ATP11B: variants seen among roughly 807,000 people sequenced by gnomAD.
ATP11B encodes phospholipid-transporting ATPase IF.
Under a neutral mutation model 157.8 loss-of-function variants are expected in ATP11B, and 81 were observed. That is an observed-to-expected ratio of 0.51 (90% CI 0.43 to 0.62). ATP11B has a LOEUF of 0.62. Among genes scored for constraint, ATP11B ranks in the 20% least tolerant of loss-of-function variants. The pLI is 0.00. For missense variants in ATP11B, 1,165 were observed against 1,402.2 expected, an observed-to-expected ratio of 0.83 and a Z score of 2.70; for synonymous variants, 451 against 469.4, an observed-to-expected ratio of 0.96 and a Z score of 0.51.
chr3:182,905,352 A>C (rs1479224748), intron 28 of ATP11B, among the ~76,000 whole-genome samples: 1 of 152,248 alleles, frequency 6.6e-6, no homozygotes, highest in Non-Finnish European at 1.5e-5. Flanking sequence ...GTTAACAAAT[A>C]GATCAGGTGA....
At chr3:182,841,630 AGCAAGAATATTGGACCAT>A (rs1378417990) in intron 7 of ATP11B, among the ~76,000 whole-genome samples, 4 of 152,186 alleles carry the variant, frequency 2.6e-5, no homozygotes, top group African/African-American at 9.7e-5. Flanking sequence ...AATGATTTAT[AGCAAGAATATTGGACCAT>A]TCATATATAC....
At chr3:182,873,293 C>T (rs1721796815) in intron 18 of ATP11B, among the ~76,000 whole-genome samples, 1 of 152,168 alleles carries the variant, frequency 6.6e-6, no homozygotes, top group Non-Finnish European at 1.5e-5. Flanking sequence ...TTTGCCTCCA[C>T]CACCTAGACC....
At chr3:182,826,310 C>T (rs1018374457) in intron 2 of ATP11B, among the ~76,000 whole-genome samples, 1 of 152,150 alleles carries the variant, frequency 6.6e-6, no homozygotes, top group South Asian at 2.1e-4. Flanking sequence ...ACCCTGAAAC[C>T]AATTACTTTA....
intron 12 of ATP11B, among the ~76,000 whole-genome samples, chr3:182,864,033 A>G (rs1175952914): frequency 1.3e-5 from 2 of 152,070 alleles, no homozygotes; most frequent in Non-Finnish European, 2.9e-5. Flanking sequence ...CAGTTTCACC[A>G]TTTATTTGCT....
chr3:182,823,006 G>A (rs1717469748), intron 2 of ATP11B, among the ~76,000 whole-genome samples: 1 of 152,110 alleles, frequency 6.6e-6, no homozygotes, highest in African/African-American at 2.4e-5. Context: ...TGTAGATTCT[G>A]GATATTAGCC....
intron 14 of ATP11B, among the ~76,000 whole-genome samples, 166 bp from the exon 15 acceptor site, chr3:182,867,210 T>C (rs1232538740): frequency 6.7e-6 from 1 of 148,590 alleles, no homozygotes; most frequent in Non-Finnish European, 1.5e-5. Context: ...ATGACAGGCA[T>C]GAGCCACCAC....
chr3:182,876,808 G>A (rs771806494), intron 19 of ATP11B, among the ~76,000 whole-genome samples: 25 of 152,262 alleles, frequency 1.6e-4, no homozygotes, highest in Admixed American at 1.2e-3. Context: ...TAACAATGGG[G>A]GTTAACTTTC....
chr3:182,890,455 G>A (rs893973635), intron 25 of ATP11B, among the ~76,000 whole-genome samples: 2 of 152,152 alleles, frequency 1.3e-5, no homozygotes, highest in Non-Finnish European at 2.9e-5. Context: ...TAAGTAACTT[G>A]GTCATGGAGC....
At chr3:182,855,764 CT>C (rs1260889769) in intron 10 of ATP11B, among the ~76,000 whole-genome samples, 2 of 152,090 alleles carry the variant, frequency 1.3e-5, no homozygotes, top group African/African-American at 4.8e-5. Flanking sequence ...CAGAGAAAAG[CT>C]GCAGATTACA....
chr3:182,863,174 GA>G (rs1215343294), intron 12 of ATP11B, among the ~76,000 whole-genome samples: 2 of 152,154 alleles, frequency 1.3e-5, no homozygotes, highest in East Asian at 3.9e-4. Flanking sequence ...AAAGTGCTGG[GA>G]TTACAAGCAT....
intron 10 of ATP11B, among the ~76,000 whole-genome samples, chr3:182,856,486 G>C (rs534879697): frequency 6.6e-6 from 1 of 152,296 alleles, no homozygotes; most frequent in African/African-American, 2.4e-5. Context: ...GACATGACTA[G>C]TTTAGTGAAA....
intron 1 of ATP11B, among the ~76,000 whole-genome samples, chr3:182,794,439 C>T (rs1231731857): frequency 6.6e-6 from 1 of 152,198 alleles, no homozygotes; most frequent in East Asian, 1.9e-4. Flanking sequence ...ACGAACGATA[C>T]GTACTGTCGT....
chr3:182,822,708 C>T (rs1355314635), intron 2 of ATP11B, among the ~76,000 whole-genome samples: 2 of 152,180 alleles, frequency 1.3e-5, no homozygotes, highest in Non-Finnish European at 2.9e-5. Context: ...CTTCCACAAT[C>T]GTTGAACTAG....
rs1725377329 is a variant in ATP11B, at chr3:182,920,171, CAGG to C, written c.*2071_*2073del. On this transcript the variant is annotated 3_prime_UTR_variant, in exon 30 of 30. Coordinates refer to ENST00000323116, the MANE Select transcript of ATP11B (RefSeq NM_014616.3). Reference sequence around the variant, plus strand: ...TAGCCTATGACCAACTGCAGCAAGACAGGAGGTCAGCTCGCCTATAATGGTGCT... The same window carrying C: ...TAGCCTATGACCAACTGCAGCAAGACAGGTCAGCTCGCCTATAATGGTGCT... 6.6e-6 allele frequency: 1 copy of C among 152,148 alleles called. No individual in the cohort carries two copies. Among genetic ancestry groups the C allele is most frequent in the South Asian group, 2.1e-4 (1 of 4,836 alleles). 9.4% of individuals were successfully genotyped at this position (152,148 alleles called of 1,614,324 possible).
chr3:182,816,393 G>GA lies in ATP11B; in HGVS notation c.28-3863dup, dbSNP rs1716970822. 3.3e-5 allele frequency among the ~76,000 whole-genome samples: 5 copies of GA among 152,254 alleles called. No individual in the cohort carries two copies. In the South Asian group the frequency reaches 1.0e-3, roughly 32 times the overall value. Reference sequence around the variant, plus strand: ...GAATGAGTAGCCTGGGATAACAAGAGAAAATGTATTATGTGCCAAAGGTTT... The same window carrying GA: ...GAATGAGTAGCCTGGGATAACAAGAGAAAAATGTATTATGTGCCAAAGGTTT... On this transcript the variant is annotated intron_variant, in intron 1 of 29. Transcript: ENST00000323116.
At chr3:182,799,477 C>T (rs1336613665) in intron 1 of ATP11B, among the ~76,000 whole-genome samples, 2 of 151,920 alleles carry the variant, frequency 1.3e-5, no homozygotes, top group Admixed American at 6.6e-5. Context: ...GGGGTTTCTC[C>T]GTGTTACCAG....
At position 182,898,738 on chromosome 3, in the gene ATP11B, G is replaced by A. The variant is rs148344090; in HGVS notation, c.3284G>A (p.Arg1095Gln). The A allele has an allele frequency of 1.8e-5, 29 of 1,585,188 alleles. No individual in the cohort carries two copies. The highest frequency in any genetic ancestry group is 2.4e-5 in the South Asian group (2 of 85,050). ...FLDIIKKVFD[R>Q]HLHPTSTEKA... ...GATATCATAAAGAAGGTCTTTGACC[G>A]ACACCTCCACCCTACAAGTACTGAA... Residue 1095 changes from arginine to glutamine, a missense_variant, in exon 28 of 30, where the codon CGA (arginine) becomes CAA (glutamine). By Grantham distance (43) the Arg-to-Gln change is conservative. Around this residue, in one of 4 missense-constraint regions of ATP11B, gnomAD observed 303 missense variants for 296.3 expected, o/e 1.02. Coordinates refer to ENST00000323116, the MANE Select transcript of ATP11B (RefSeq NM_014616.3).
chr3:182,826,141 A>G (rs1451399829), intron 2 of ATP11B, among the ~76,000 whole-genome samples: 2 of 152,192 alleles, frequency 1.3e-5, no homozygotes, highest in Non-Finnish European at 2.9e-5. Flanking sequence ...CCCTCTCTAT[A>G]CAATAGGACA....
At chr3:182,884,289 G>A (rs1002783457) in intron 21 of ATP11B, among the ~76,000 whole-genome samples, 2 of 151,948 alleles carry the variant, frequency 1.3e-5, no homozygotes, top group Non-Finnish European at 2.9e-5. Context: ...TTTAAAAAGT[G>A]CACTTTGACT....
Sources: gnomAD v4.1 joint callset for allele counts (sites outside exome capture counted in the v4.1 genomes callset) on GRCh38, gnomAD v4.1.1 for gene constraint, gnomAD v4.1.1 regional missense constraint, MANE v1.5 for transcripts, NCBI Gene and HGNC (gene_info 2026-07-23, HGNC 2026-07-21) for gene names.